The following TMC2 variants were observed in gnomAD, a reference collection of about 807,000 sequenced individuals.
The protein encoded by TMC2 is transmembrane channel-like protein 2.
TMC2 carries 102 observed loss-of-function variants against 105.9 expected under a neutral mutation model. The observed-to-expected ratio is 0.96, with a 90% CI of 0.82 to 1.14. The LOEUF is 1.14. Ranked by LOEUF, TMC2 falls within the 50% of genes most tolerant of loss-of-function variation. The probability of loss-of-function intolerance (pLI) is 0.00; values close to 1 mark genes in which losing one functional copy is unlikely to be tolerated. For synonymous variants in TMC2, 402 were observed against 422.8 expected (o/e 0.95, Z 0.60); for missense variants, 1,093 against 1,134.3 (o/e 0.96, Z 0.52).
chr20:2,542,350 G>A (rs1214570779), intron 2 of TMC2, among the ~76,000 whole-genome samples: 3 of 152,194 alleles, frequency 2.0e-5, no homozygotes, highest in Non-Finnish European at 4.4e-5. Context: ...ACTAGGAAAC[G>A]TGTGGTAAAT....
rs4813580 is a variant in TMC2 at position 2,643,457 on chromosome 20, C to A, written c.*2106C>A. Among the ~76,000 whole-genome samples the A allele has an allele frequency of 0.62, 93,683 of 152,108 alleles. 29,236 individuals carry two copies. Among genetic ancestry groups the A allele is most frequent in the East Asian group, 0.86 (4,439 of 5,184 alleles). ...ATAAATACCCACCACAAACACAAACCAACCATCCTGATCTGATGAAGTGTA... is the reference window on the plus strand; with the variant it reads ...ATAAATACCCACCACAAACACAAACAAACCATCCTGATCTGATGAAGTGTA... On this transcript the variant is annotated 3_prime_UTR_variant, in exon 20 of 20. Coordinates refer to ENST00000358864, the MANE Select transcript of TMC2 (RefSeq NM_080751.3).
At chr20:2,577,960 G>A (rs2086159334) in intron 5 of TMC2, among the ~76,000 whole-genome samples, 1 of 151,864 alleles carries the variant, frequency 6.6e-6, no homozygotes. Flanking sequence ...CACAGGTGCG[G>A]ACTTTAGTGA....
intron 2 of TMC2, among the ~76,000 whole-genome samples, chr20:2,548,229 T>C (rs1306417390): frequency 6.6e-6 from 1 of 152,232 alleles, no homozygotes; most frequent in Non-Finnish European, 1.5e-5. Flanking sequence ...GATATGAACA[T>C]GTGTGTTAAC....
At chr20:2,621,224 T>G (rs6050652) in intron 16 of TMC2, among the ~76,000 whole-genome samples, 89,428 of 151,696 alleles carry the variant, frequency 0.59, 27,679 homozygotes, top group Admixed American at 0.68. Context: ...TAGCCAGGTG[T>G]GGTGGTGCGT....
chr20:2,561,923 T>C lies in TMC2; in HGVS notation c.467T>C (p.Ile156Thr). Residue 156 changes from isoleucine (I) to threonine (T), a missense_variant, in exon 4 of 20, where the codon ATC becomes ACC. By Grantham distance (89) the Ile-to-Thr change is moderately conservative. Transcript: ENST00000358864. ...ESLSEEELAQILEQVEEKKKL... is the reference protein window; with the variant it reads ...ESLSEEELAQTLEQVEEKKKL... Reference sequence around the variant, plus strand: ...CTGTCCGAGGAGGAACTGGCCCAGATCCTGGAGCAGGTGGAAGAAAAAAAG... The same window carrying C: ...CTGTCCGAGGAGGAACTGGCCCAGACCCTGGAGCAGGTGGAAGAAAAAAAG... The C allele has an allele frequency of 1.2e-6, 2 of 1,614,204 alleles. No individual in the cohort carries two copies. Among genetic ancestry groups the C allele is most frequent in the Non-Finnish European group, 1.7e-6 (2 of 1,180,030 alleles).
chr20:2,549,652 A>G (rs1353105093), intron 2 of TMC2, among the ~76,000 whole-genome samples: 1 of 152,122 alleles, frequency 6.6e-6, no homozygotes, highest in African/African-American at 2.4e-5. Context: ...CTGAGGCAGA[A>G]GAATCCCTTG....
At chr20:2,632,593 TTTTG>T (rs1345024471) in intron 17 of TMC2, among the ~76,000 whole-genome samples, 13 of 151,932 alleles carry the variant, frequency 8.6e-5, no homozygotes, top group East Asian at 1.9e-4. Flanking sequence ...GGTTTTTTGT[TTTTG>T]TTTTTGTTTT....
chr20:2,594,501 T>A (rs1427779248), intron 8 of TMC2, among the ~76,000 whole-genome samples: 1 of 152,176 alleles, frequency 6.6e-6, no homozygotes, highest in African/African-American at 2.4e-5. Flanking sequence ...GTGCTGGGAT[T>A]ACGGGCGTGA....
intron 11 of TMC2, among the ~76,000 whole-genome samples, chr20:2,606,421 G>A (rs1266190695): frequency 2.6e-5 from 4 of 152,204 alleles, no homozygotes; most frequent in Non-Finnish European, 4.4e-5. Flanking sequence ...CACCATGCCT[G>A]GCTAATTTTT....
At chr20:2,563,293 C>A (rs1375630395) in intron 4 of TMC2, among the ~76,000 whole-genome samples, 1 of 152,188 alleles carries the variant, frequency 6.6e-6, no homozygotes, top group Non-Finnish European at 1.5e-5. Context: ...GAGCTTACCC[C>A]ACGGCCCTGC....
At chr20:2,618,541 T>C (rs2086501663) in intron 16 of TMC2, among the ~76,000 whole-genome samples, 1 of 152,226 alleles carries the variant, frequency 6.6e-6, no homozygotes, top group Non-Finnish European at 1.5e-5. Context: ...TGCAGTGGAC[T>C]CTTGACAGAC....
intron 7 of TMC2, among the ~76,000 whole-genome samples, chr20:2,584,829 G>A (rs1394557603): frequency 6.6e-6 from 1 of 151,314 alleles, no homozygotes; most frequent in Admixed American, 6.6e-5. Context: ...GGCACAATTT[G>A]CATCAAGTAA....
intron 5 of TMC2, among the ~76,000 whole-genome samples, chr20:2,573,854 C>A (rs1487805035): frequency 1.3e-5 from 2 of 152,146 alleles, no homozygotes; most frequent in Non-Finnish European, 2.9e-5. Flanking sequence ...GCCACCACGC[C>A]CGGCCTCTCT....
At chr20:2,603,745 A>G (rs2086368602) in intron 11 of TMC2, among the ~76,000 whole-genome samples, 1 of 152,202 alleles carries the variant, frequency 6.6e-6, no homozygotes, top group Non-Finnish European at 1.5e-5. Context: ...GACCAGAAAT[A>G]TAAGGGGAGT....
Position 2,561,762 on chromosome 20 carries a change from G to T in TMC2, c.402-96G>T, listed in dbSNP as rs578227998. The T allele has an allele frequency of 1.3e-5, 19 of 1,432,738 alleles. No individual in the cohort carries two copies. The African/African-American group carries it at 1.6e-4, about 12-fold the overall frequency. The allele number at this position is 1,432,738 out of a possible 1,614,324, so 88.8% of individuals were successfully genotyped here. On this transcript the variant is annotated intron_variant, in intron 3 of 19. Coordinates refer to ENST00000358864, the MANE Select transcript of TMC2 (RefSeq NM_080751.3). ...TAATGGCTTCTGAGCAGGGGAAGGG[G>T]TGCCATCTTCCATGGGCCCCTCCTC...
chr20:2,617,312 G>A lies in TMC2; in HGVS notation c.2180+1G>A, dbSNP rs1427456626. On this transcript the variant is annotated splice_donor_variant, in intron 16 of 19. Coordinates refer to ENST00000358864, the MANE Select transcript of TMC2 (RefSeq NM_080751.3). LOFTEE classifies it high-confidence loss of function. ...CCTCCTTTGACTGCGGGCCGTTCAG[G>A]TGCAGAGTCTCAGTTGCCCGGGAGC... is the stretch of plus-strand genomic sequence containing the variant. 3.1e-6 allele frequency: 5 copies of A among 1,614,102 alleles called. No homozygotes were observed. Among genetic ancestry groups the A allele is most frequent in the South Asian group, 1.1e-5 (1 of 91,076 alleles).
chr20:2,600,987 A>G (rs1191732624), intron 10 of TMC2, among the ~76,000 whole-genome samples: 3 of 8,574 alleles, frequency 3.5e-4, no homozygotes, highest in East Asian at 4.8e-3. Context: ...ACTGTCTCAG[A>G]AAAAAAAAAA....
At chr20:2,542,409 G>A (rs193176329) in intron 2 of TMC2, among the ~76,000 whole-genome samples, 23 of 152,294 alleles carry the variant, frequency 1.5e-4, no homozygotes, top group African/African-American at 5.5e-4. Context: ...CTTCTCAGGT[G>A]CTAAGAGTTG....
chr20:2,600,446 G>A (rs2146220709), intron 10 of TMC2, among the ~76,000 whole-genome samples: 1 of 152,328 alleles, frequency 6.6e-6, no homozygotes, highest in South Asian at 2.1e-4. Context: ...GGGAGGCTGA[G>A]ACAGGTGGAT....
Sources: allele counts gnomAD v4.1 joint callset (sites outside exome capture counted in the v4.1 genomes callset), GRCh38; gene constraint gnomAD v4.1.1; transcripts MANE v1.5; gene names NCBI Gene and HGNC (gene_info 2026-07-23, HGNC 2026-07-21).